Variants in DMXL1 observed in about 807,000 individuals in gnomAD.
The protein encoded by DMXL1 is Dmx like 1.
In DMXL1, 99 loss-of-function variants were observed where a neutral mutation model predicts 319.2. That is an observed-to-expected ratio of 0.31 (90% CI 0.26 to 0.37). The LOEUF is 0.37. Ranked by LOEUF, DMXL1 falls within the 10% of genes least tolerant of loss-of-function variation. The pLI, the probability that DMXL1 is intolerant of heterozygous loss-of-function variation, is 1.00. For synonymous variants in DMXL1, 1,385 were observed against 1,235.2 expected, an observed-to-expected ratio of 1.12 and a Z score of -2.54; for missense variants, 3,745 against 3,595.6, an observed-to-expected ratio of 1.04 and a Z score of -1.06.
chr5:119,082,120 A>AT (rs1016342052), intron 1 of DMXL1, among the ~76,000 whole-genome samples: 5 of 146,754 alleles, frequency 3.4e-5, no homozygotes, highest in Admixed American at 6.9e-5. Context: ...TTTATTTTTA[A>AT]TTTTTTTTAG....
chr5:119,239,679 G>C (rs1268061174), intron 41 of DMXL1, among the ~76,000 whole-genome samples: 1 of 152,086 alleles, frequency 6.6e-6, no homozygotes, highest in Non-Finnish European at 1.5e-5. Context: ...TTGTGGGTCG[G>C]GCACAGTGGC....
chr5:119,153,063 A>G (rs751397856), intron 19 of DMXL1, among the ~76,000 whole-genome samples: 2 of 151,484 alleles, frequency 1.3e-5, no homozygotes, highest in Non-Finnish European at 2.9e-5. Flanking sequence ...TGCAACCTCC[A>G]TTTCCTGGGT....
chr5:119,133,610 G>A lies in DMXL1; in HGVS notation c.1686G>A (p.Gly562=). 1 of 1,614,100 alleles carries A rather than the reference G, an allele frequency of 6.2e-7. No individual in the cohort carries two copies. Among genetic ancestry groups the A allele is most frequent in the Non-Finnish European group, 8.5e-7 (1 of 1,180,012 alleles). Residue 562 remains glycine (G), a synonymous_variant, in exon 12 of 44, where the codon GGG becomes GGA. Coordinates refer to ENST00000539542, the MANE Select transcript of DMXL1 (RefSeq NM_001290321.3). ...TKNVDLAIQQ[G]KQKPSGLTRS... Reference sequence around the variant, plus strand: ...ATGTTGACTTGGCTATTCAGCAGGGGAAACAAAAACCTTCTGGCCTCACCC... The same window carrying A: ...ATGTTGACTTGGCTATTCAGCAGGGAAAACAAAAACCTTCTGGCCTCACCC...
chr5:119,197,626 G>C, intron 31 of DMXL1, 129 bp from the exon 32 acceptor site: 1 of 843,114 alleles, frequency 1.2e-6, no homozygotes, highest in Non-Finnish European at 1.8e-6. Context: ...CAAAGTGTAT[G>C]TTAATATTTC....
intron 27 of DMXL1, 91 bp downstream of exon 27, chr5:119,177,575 C>A: frequency 9.0e-7 from 1 of 1,114,702 alleles, no homozygotes; most frequent in Non-Finnish European, 1.3e-6. Context: ...ACATGATAAT[C>A]ATTGTTAAAT....
At chr5:119,117,553 G>T (rs1352315250) in intron 7 of DMXL1, among the ~76,000 whole-genome samples, 3 of 152,074 alleles carry the variant, frequency 2.0e-5, no homozygotes, top group African/African-American at 7.2e-5. Flanking sequence ...AAGGGGTTGG[G>T]GAAGGAAAGG....
rs190716733 is a variant in DMXL1, at chr5:119,233,589, T to C, written c.8466+122T>C. 1.1e-3 allele frequency: 753 copies of C among 657,526 alleles called. 8 individuals carry two copies. In the African/African-American group the frequency reaches 0.013, roughly 11 times the overall value. 40.7% of individuals were successfully genotyped at this position (657,526 alleles called of 1,614,324 possible). ...GTAGTAAAGTATTGATCTATATAGA[T>C]GCTTTTAAATTCTTCTCAAAGAACA... On this transcript the variant is annotated intron_variant, in intron 39 of 43. Coordinates refer to ENST00000539542, the MANE Select transcript of DMXL1 (RefSeq NM_001290321.3).
intron 3 of DMXL1, 111 bp from the exon 4 acceptor site, chr5:119,105,069 T>C (rs947354790): frequency 8.8e-6 from 6 of 681,398 alleles, no homozygotes; most frequent in African/African-American, 7.2e-5. Flanking sequence ...CATTTTGTTA[T>C]CTTTAAAATT....
chr5:119,206,929 T>G (rs1357574272), intron 34 of DMXL1, 33 bp downstream of exon 34: 1 of 1,334,694 alleles, frequency 7.5e-7, no homozygotes, highest in South Asian at 1.3e-5. Context: ...AATTAAAAAT[T>G]GCATTCTTTC....
rs555777154 is a variant in DMXL1 at position 119,218,838 on chromosome 5, G to A, written c.8014-1634G>A. On this transcript the variant is annotated intron_variant, in intron 35 of 43. Coordinates refer to ENST00000539542, the MANE Select transcript of DMXL1 (RefSeq NM_001290321.3). ...TGCTTTAAGTTGCATTTTTTTAAATGCCATTGAGATTTTTTTTGCCATTTG... is the reference window on the plus strand; with the variant it reads ...TGCTTTAAGTTGCATTTTTTTAAATACCATTGAGATTTTTTTTGCCATTTG... Among the ~76,000 whole-genome samples the A allele has an allele frequency of 3.3e-5, 5 of 152,238 alleles. No homozygotes were observed. In the South Asian group the frequency reaches 6.2e-4, roughly 19 times the overall value.
At chr5:119,075,756 G>C (rs1750698149) in intron 1 of DMXL1, among the ~76,000 whole-genome samples, 2 of 151,752 alleles carry the variant, frequency 1.3e-5, no homozygotes, top group Admixed American at 1.3e-4. Context: ...TGGAGGCTGG[G>C]GTCTCCTTAT....
At chr5:119,144,083 G>A (rs1397934824) in intron 14 of DMXL1, among the ~76,000 whole-genome samples, 153 bp downstream of exon 14, 2 of 151,668 alleles carry the variant, frequency 1.3e-5, no homozygotes, top group Admixed American at 6.6e-5. Flanking sequence ...ACATATTATT[G>A]TATATTTTAC....
intron 23 of DMXL1, 71 bp downstream of exon 23, chr5:119,167,935 A>C (rs1205401595): frequency 1.4e-6 from 2 of 1,438,450 alleles, no homozygotes; most frequent in African/African-American, 2.9e-5. Context: ...AGATCACTCT[A>C]TTAGGTGGTA....
chr5:119,234,582 T>C (rs1472517974), intron 39 of DMXL1, among the ~76,000 whole-genome samples: 1 of 152,184 alleles, frequency 6.6e-6, no homozygotes, highest in Non-Finnish European at 1.5e-5. Flanking sequence ...TGTTTCTTAA[T>C]ACTAATTAGC....
intron 1 of DMXL1, among the ~76,000 whole-genome samples, chr5:119,091,227 G>T (rs1428546366): frequency 1.3e-5 from 2 of 150,946 alleles, no homozygotes; most frequent in East Asian, 3.9e-4. Context: ...TTATTTATTT[G>T]ACAGTGTCTT....
chr5:119,131,111 C>T (rs1304035135), intron 10 of DMXL1, among the ~76,000 whole-genome samples: 1 of 147,918 alleles, frequency 6.8e-6, no homozygotes, highest in Non-Finnish European at 1.5e-5. Flanking sequence ...TTTTGCCCTT[C>T]TGTGGCTTGC....
chr5:119,171,954 T>C lies in DMXL1; in HGVS notation c.6666T>C (p.Asp2222=). ...IINFDSPPHP[D]IQSNKVYVMH... is the part of the protein sequence containing the mutation. ...ACTTTGATTCACCACCCCACCCTGATATCCAAAGCAATAAAGTAAGTATGC... is the reference window on the plus strand; with the variant it reads ...ACTTTGATTCACCACCCCACCCTGACATCCAAAGCAATAAAGTAAGTATGC... Residue 2222 remains aspartate, a synonymous_variant, in exon 25 of 44, where the codon GAT becomes GAC. Transcript: ENST00000539542. The C allele has an allele frequency of 6.2e-7, 1 of 1,611,914 alleles. No homozygotes were observed. The highest frequency in any genetic ancestry group is 1.3e-5 in the African/African-American group (1 of 74,960).
chr5:119,202,883 T>TTATATA (rs201634842), intron 32 of DMXL1, among the ~76,000 whole-genome samples: 5 of 71,534 alleles, frequency 7.0e-5, no homozygotes, highest in African/African-American at 2.0e-4. Flanking sequence ...ATATATATAT[T>TTATATA]TTTATATATA....
chr5:119,071,918 G>T (rs1394872307), intron 1 of DMXL1, among the ~76,000 whole-genome samples: 1 of 152,200 alleles, frequency 6.6e-6, no homozygotes, highest in East Asian at 1.9e-4. Context: ...CCTTGGGCCA[G>T]GGTGCTTTGC....
Sources: gnomAD v4.1 joint callset for allele counts (sites outside exome capture counted in the v4.1 genomes callset) on GRCh38, gnomAD v4.1.1 for gene constraint, MANE v1.5 for transcripts, NCBI Gene and HGNC (gene_info 2026-07-23, HGNC 2026-07-21) for gene names.